Variants in BCL7A observed in about 807,000 individuals in gnomAD.
The protein encoded by BCL7A is BAF chromatin remodeling complex subunit BCL7A, also known as B-cell CLL/lymphoma 7 protein family member A.
In BCL7A, 11 loss-of-function variants were observed where a neutral mutation model predicts 28.4. That is an observed-to-expected ratio of 0.39 (90% CI 0.24 to 0.64). The LOEUF is 0.64. Among genes scored for constraint, BCL7A ranks in the 30% least tolerant of loss-of-function variants. The pLI is 0.50. For synonymous variants in BCL7A, 123 were observed against 103.3 expected (o/e 1.19, Z -1.15); for missense variants, 222 against 274.8 (o/e 0.81, Z 1.36).
At chr12:122,023,101 G>A (rs1018613114) in intron 1 of BCL7A, among the ~76,000 whole-genome samples, 4 of 152,244 alleles carry the variant, frequency 2.6e-5, no homozygotes, top group African/African-American at 4.8e-5. Context: ...GCGTGGCCCG[G>A]TCGACATTAA....
chr12:122,025,150 G>T (rs535023931), intron 1 of BCL7A, among the ~76,000 whole-genome samples: 2 of 152,162 alleles, frequency 1.3e-5, no homozygotes, highest in Non-Finnish European at 2.9e-5. Context: ...CCCTGTGCTG[G>T]TGGAGGAGAG....
intron 3 of BCL7A, among the ~76,000 whole-genome samples, chr12:122,035,783 T>C (rs557665561): frequency 1.1e-4 from 17 of 152,228 alleles, no homozygotes; most frequent in Non-Finnish European, 2.4e-4. Flanking sequence ...TAAATGGCTG[T>C]GTTTCCCATT....
chr12:122,030,316 C>T (rs761375565), intron 1 of BCL7A, among the ~76,000 whole-genome samples: 8 of 152,226 alleles, frequency 5.3e-5, no homozygotes, highest in Non-Finnish European at 1.2e-4. Flanking sequence ...TGAGAGGAAT[C>T]GGCCTGCTGG....
At chr12:122,025,488 G>A (rs868814364) in intron 1 of BCL7A, among the ~76,000 whole-genome samples, 6 of 151,998 alleles carry the variant, frequency 3.9e-5, no homozygotes, top group South Asian at 4.2e-4. Context: ...TTAGCCAGGC[G>A]TGGTGGCGGG....
rs1883464835 is a variant in BCL7A at position 122,021,943 on chromosome 12, T to C, written c.-149T>C. 1.7e-6 allele frequency: 1 copy of C among 572,422 alleles called. No homozygotes were observed. Among genetic ancestry groups the C allele is most frequent in the Non-Finnish European group, 3.1e-6 (1 of 321,502 alleles). 35.5% of individuals were successfully genotyped at this position (572,422 alleles called of 1,614,324 possible). On this transcript the variant is annotated 5_prime_UTR_variant, in exon 1 of 6. Coordinates refer to ENST00000261822, the MANE Select transcript of BCL7A (RefSeq NM_001024808.3). The stretch of plus-strand genomic sequence containing the variant: ...GTGTGTGTGTGTATGTGTGTGTGTG[T>C]GTGTGTGTGTGTGTGAGTGTGTGCG...
At chr12:122,046,262 G>A (rs1488294821) in intron 4 of BCL7A, among the ~76,000 whole-genome samples, 1 of 152,098 alleles carries the variant, frequency 6.6e-6, no homozygotes, top group Non-Finnish European at 1.5e-5. Flanking sequence ...AGCAGTGGCT[G>A]AGCGGGTCTG....
In BCL7A at chr12:122,035,467, G is replaced by A. The variant is rs759690460; in HGVS notation, c.271+40G>A. The stretch of plus-strand genomic sequence containing the variant: ...CCTGCCAGCCTCTCCTGCCCAGCCC[G>A]GGGCCTTGGCCAAGCACTCGGTCAT... On this transcript the variant is annotated intron_variant, in intron 3 of 5. Transcript: ENST00000261822. The A allele has an allele frequency of 1.6e-4, 256 of 1,560,522 alleles. 1 individual carries two copies. The highest frequency in any genetic ancestry group is 5.6e-4 in the Admixed American group (33 of 58,976).
chr12:122,045,188 C>T (rs1187102452), intron 4 of BCL7A, among the ~76,000 whole-genome samples: 2 of 151,936 alleles, frequency 1.3e-5, no homozygotes, highest in Non-Finnish European at 2.9e-5. Context: ...CAAGACCAGC[C>T]TGGCCAACAC....
chr12:122,030,078 G>T (rs1289641910), intron 1 of BCL7A, among the ~76,000 whole-genome samples: 1 of 152,166 alleles, frequency 6.6e-6, no homozygotes, highest in East Asian at 1.9e-4. Context: ...TGAATCAGGG[G>T]TGCAGTTCCC....
intron 4 of BCL7A, chr12:122,044,278 G>A (rs957619084): frequency 1.1e-4 from 57 of 508,972 alleles, no homozygotes; most frequent in Admixed American, 2.5e-4. Context: ...GGAGGCCAAG[G>A]TGTGAGGACT....
chr12:122,046,942 C>T (rs1323917553), intron 4 of BCL7A, among the ~76,000 whole-genome samples: 37 of 148,478 alleles, frequency 2.5e-4, no homozygotes, highest in Admixed American at 2.4e-3. Flanking sequence ...CTTGCTCTGT[C>T]GCCCAGGCTG....
intron 4 of BCL7A, among the ~76,000 whole-genome samples, chr12:122,050,953 G>T (rs1884180062): frequency 6.6e-6 from 1 of 152,232 alleles, no homozygotes; most frequent in South Asian, 2.1e-4. Context: ...GGGAGCGATT[G>T]CGGGGTTCCC....
rs188300967 is a variant in BCL7A, at chr12:122,061,588, C to T, written c.*2425C>T. The T allele has an allele frequency of 8.8e-6, 2 of 228,226 alleles. No individual in the cohort carries two copies. Among genetic ancestry groups the T allele is most frequent in the Non-Finnish European group, 1.7e-5 (2 of 115,028 alleles). The allele number at this position is 228,226 out of a possible 1,614,324, so 14.1% of individuals were successfully genotyped here. A position where few individuals can be genotyped will look rare whatever the true frequency, so the allele number is the denominator to read the frequency against. ...CACCCTGCACCCCTCGCCCTCCCCC[C>T]ACCACAGAATCTAAGACCTTTCAGC... On this transcript the variant is annotated 3_prime_UTR_variant, in exon 6 of 6. Transcript: ENST00000261822.
At chr12:122,026,524 G>T (rs1376099054) in intron 1 of BCL7A, among the ~76,000 whole-genome samples, 1 of 152,234 alleles carries the variant, frequency 6.6e-6, no homozygotes, top group African/African-American at 2.4e-5. Context: ...CTTGCTGTGA[G>T]GACTGAGAAA....
chr12:122,023,555 A>G (rs1883527751), intron 1 of BCL7A, among the ~76,000 whole-genome samples: 1 of 152,170 alleles, frequency 6.6e-6, no homozygotes, highest in African/African-American at 2.4e-5. Flanking sequence ...CCTCCTATGG[A>G]AAGGGCTGGC....
chr12:122,037,425 G>A (rs1883878171), intron 3 of BCL7A, among the ~76,000 whole-genome samples: 1 of 152,218 alleles, frequency 6.6e-6, no homozygotes, highest in African/African-American at 2.4e-5. Flanking sequence ...TTGTTCTGGG[G>A]AAGGAAGGCC....
intron 3 of BCL7A, among the ~76,000 whole-genome samples, chr12:122,038,735 C>A (rs1042045849): frequency 6.6e-6 from 1 of 152,174 alleles, no homozygotes; most frequent in Admixed American, 6.5e-5. Flanking sequence ...CCTAACTCTC[C>A]CTGCACCTTC....
intron 1 of BCL7A, among the ~76,000 whole-genome samples, chr12:122,025,470 C>CA (rs1167057353): frequency 6.7e-6 from 1 of 150,274 alleles, no homozygotes; most frequent in Non-Finnish European, 1.5e-5. Context: ...TAAAAAAATA[C>CA]AAAAAAATTA....
At chr12:122,023,414 A>G (rs1883522753) in intron 1 of BCL7A, among the ~76,000 whole-genome samples, 3 of 152,018 alleles carry the variant, frequency 2.0e-5, no homozygotes, top group South Asian at 2.1e-4. Flanking sequence ...TTTCTCGAGT[A>G]GCGCCTCGGT....
Sources: allele counts gnomAD v4.1 joint callset (sites outside exome capture counted in the v4.1 genomes callset), GRCh38; gene constraint gnomAD v4.1.1; transcripts MANE v1.5; gene names NCBI Gene and HGNC (gene_info 2026-07-23, HGNC 2026-07-21).